The following SCN4A variants were observed in gnomAD, a reference collection of about 807,000 sequenced individuals.
SCN4A encodes sodium channel protein type 4 subunit alpha.
SCN4A carries 83 observed loss-of-function variants against 162.0 expected under a neutral mutation model. The ratio of observed to expected loss-of-function variants is 0.51; its 90% CI spans 0.43 to 0.61. SCN4A has a LOEUF of 0.61. Among genes scored for constraint, SCN4A ranks in the 20% least tolerant of loss-of-function variants. The probability of loss-of-function intolerance (pLI) is 0.00; values close to 1 mark genes in which losing one functional copy is unlikely to be tolerated. For synonymous variants in SCN4A, 944 were observed against 985.1 expected (o/e 0.96, Z 0.78); for missense variants, 2,196 against 2,462.5 (o/e 0.89, Z 2.29).
intron 13 of SCN4A, among the ~76,000 whole-genome samples, chr17:63,954,195 C>T (rs1408108775): frequency 1.3e-5 from 2 of 152,236 alleles, no homozygotes; most frequent in Admixed American, 6.5e-5. Flanking sequence ...GTCTTCACTA[C>T]ATTCTGTTGA....
Position 63,945,094 on chromosome 17 carries a change from G to T in SCN4A, c.3721-34C>A. On this transcript the variant is annotated intron_variant, in intron 19 of 23. Transcript: ENST00000435607. This position sits in a 1 kb window ranked among gnomAD's most constrained non-coding sequence, Gnocchi z 4.4. ...GTGTGGTTGGGGAGTGAGCCGGGGG[G>T]CTGCTCCCTGCTTTCATCATCCATG... is the stretch of plus-strand genomic sequence containing the variant. 1.9e-6 allele frequency: 3 copies of T among 1,598,138 alleles called. No homozygotes were observed. Among genetic ancestry groups the T allele is most frequent in the South Asian group, 2.2e-5 (2 of 90,308 alleles).
At position 63,968,203 on chromosome 17, in the gene SCN4A, G is replaced by GC. The variant is rs1909513448; in HGVS notation, c.855dup (p.Pro286AlafsTer13). 1 of 1,613,882 alleles carries GC rather than the reference G, an allele frequency of 6.2e-7. No individual in the cohort carries two copies. Among genetic ancestry groups the GC allele is most frequent in the African/African-American group, 1.3e-5 (1 of 74,902 alleles). ...CACGTGGTGTTGGTGTCGTTGAACGGCGGGGGCCAGCGCACACACTTCTGC... is the reference window on the plus strand; with the variant it reads ...CACGTGGTGTTGGTGTCGTTGAACGGCCGGGGGCCAGCGCACACACTTCTGC... On this transcript the variant is annotated frameshift_variant, in exon 6 of 24. Transcript: ENST00000435607. LOFTEE classifies it high-confidence loss of function.
chr17:63,961,578 C>T (rs974624671), intron 10 of SCN4A, 147 bp from the exon 11 acceptor site: 7 of 641,340 alleles, frequency 1.1e-5, no homozygotes, highest in South Asian at 7.1e-5. Context: ...CCAAGTTCCA[C>T]CGCCTCTTGC....
At chr17:63,959,181 T>C (rs1486333389) in intron 12 of SCN4A, 84 bp downstream of exon 12, 45 of 1,294,136 alleles carry the variant, frequency 3.5e-5, no homozygotes, top group Non-Finnish European at 4.6e-5. Flanking sequence ...TTCCTGGGGT[T>C]TCTCCTCCCA....
chr17:63,971,495 A>T (rs1235682829), intron 4 of SCN4A, among the ~76,000 whole-genome samples: 1 of 152,032 alleles, frequency 6.6e-6, no homozygotes, highest in South Asian at 2.1e-4. Flanking sequence ...GCAGGTGAGG[A>T]CCCATGGGTC....
intron 10 of SCN4A, 125 bp from the exon 11 acceptor site, chr17:63,961,556 G>C: frequency 1.4e-6 from 1 of 689,810 alleles, no homozygotes; most frequent in Non-Finnish European, 2.6e-6. Context: ...CAACCCTCTA[G>C]CAAGGCCTAT....
At position 63,972,654 on chromosome 17, in the gene SCN4A, T is replaced by C. The variant is rs941497920; in HGVS notation, c.188A>G (p.Asn63Ser). Reference protein sequence around the residue: ...KPRSDLEAGKNLPMIYGDPPP... With the variant: ...KPRSDLEAGKSLPMIYGDPPP... ...GGGGTCTCCGTAGATCATGGGTAGG[T>C]TCTTGCCAGCCTCCAAGTCACTTCG... The change falls in exon 1 of 24, where the codon AAC (asparagine) becomes AGC (serine). Residue 63 changes from asparagine (N) to serine (S), a missense_variant. Coordinates refer to ENST00000435607, the MANE Select transcript of SCN4A (RefSeq NM_000334.4). The surrounding 1 kb of genome is among the most constrained non-coding windows in gnomAD (Gnocchi z 4.3). The C allele has an allele frequency of 1.6e-5, 25 of 1,612,874 alleles. No homozygotes were observed. Among genetic ancestry groups the C allele is most frequent in the Non-Finnish European group, 2.0e-5 (23 of 1,179,428 alleles).
In SCN4A at chr17:63,943,212, C is replaced by CAGAGAGAGAGAGAG. The variant is rs111745569; in HGVS notation, c.4018-130_4018-117dup. 1.9e-4 allele frequency: 69 copies of CAGAGAGAGAGAGAG among 369,760 alleles called. No homozygotes were observed. The East Asian group carries it at 5.5e-3, about 29-fold the overall frequency. 22.9% of individuals were successfully genotyped at this position (369,760 alleles called of 1,614,324 possible). On this transcript the variant is annotated intron_variant, in intron 22 of 23. Coordinates refer to ENST00000435607, the MANE Select transcript of SCN4A (RefSeq NM_000334.4). ...AGCATGACAGAGATGACAGAGATGA[C>CAGAGAGAGAGAGAG]AGAGAGAGAGAGAGAGAGAGAGAGA...
Position 63,972,261 on chromosome 17 carries a change from G to A in SCN4A, c.393-36C>T. The A allele has an allele frequency of 1.2e-6, 2 of 1,601,860 alleles. No homozygotes were observed. The highest frequency in any genetic ancestry group is 1.1e-5 in the South Asian group (1 of 90,172). On this transcript the variant is annotated intron_variant, in intron 2 of 23. Coordinates refer to ENST00000435607, the MANE Select transcript of SCN4A (RefSeq NM_000334.4). The surrounding 1 kb of genome is among the most constrained non-coding windows in gnomAD (Gnocchi z 4.3). Reference sequence around the variant, plus strand: ...GTCAAGGAAAGTGAGGAAGCAGCTAGGATGGGAGGTGATAGAGGGTCTCCT... The same window carrying A: ...GTCAAGGAAAGTGAGGAAGCAGCTAAGATGGGAGGTGATAGAGGGTCTCCT...
In SCN4A at chr17:63,964,612, G is replaced by A. The variant is rs1181683822; in HGVS notation, c.1308C>T (p.Phe436=). 6.2e-7 allele frequency: 1 copy of A among 1,613,414 alleles called. No individual in the cohort carries two copies. Among genetic ancestry groups the A allele is most frequent in the Non-Finnish European group, 8.5e-7 (1 of 1,179,742 alleles). ...CGGCCAGGATCAGATTGATGAGGTAGAAAGAGCCCAGGAAGATGATGACCA... is the reference window on the plus strand; with the variant it reads ...CGGCCAGGATCAGATTGATGAGGTAAAAAGAGCCCAGGAAGATGATGACCA... The part of the protein sequence containing the change: ...FFVVIIFLGS[F]YLINLILAVV... The change falls in exon 9 of 24, where the codon TTC becomes TTT. Residue 436 remains phenylalanine (F), a synonymous_variant. Coordinates refer to ENST00000435607, the MANE Select transcript of SCN4A (RefSeq NM_000334.4).
Position 63,941,491 on chromosome 17 carries a change from G to C in SCN4A, c.4791C>G (p.Ile1597Met), listed in dbSNP as rs1567816199. The C allele has an allele frequency of 1.1e-5, 18 of 1,614,048 alleles. No individual in the cohort carries two copies. The highest frequency in any genetic ancestry group is 1.5e-5 in the Non-Finnish European group (18 of 1,180,042). ...CTGTGGCCACATTGAAGTTCTCCAG[G>C]ATGATGGCGATGTACATGTTGACCA... ...LIVVNMYIAI[I>M]LENFNVATEE... The change falls in exon 24 of 24, where the codon ATC becomes ATG. Residue 1597 changes from isoleucine (I) to methionine (M), a missense_variant. Coordinates refer to ENST00000435607, the MANE Select transcript of SCN4A (RefSeq NM_000334.4). The surrounding 1 kb of genome is among the most constrained non-coding windows in gnomAD (Gnocchi z 6.2).
chr17:63,964,675 G>A lies in SCN4A; in HGVS notation c.1245C>T (p.Thr415=). The A allele has an allele frequency of 6.2e-7, 1 of 1,603,970 alleles. No individual in the cohort carries two copies. Among genetic ancestry groups the A allele is most frequent in the Non-Finnish European group, 8.5e-7 (1 of 1,175,934 alleles). ...TGTAGGTCTTGCCAGCTGCTCGAAG[G>A]GTCTGGGAGTGGAGGGAGAGGGAGT... ...QDYWENLFQL[T]LRAAGKTYMI... The change falls in exon 9 of 24, where the codon ACC becomes ACT. Residue 415 remains threonine, a splice_region_variant and synonymous_variant. Coordinates refer to ENST00000435607, the MANE Select transcript of SCN4A (RefSeq NM_000334.4).
At chr17:63,971,118 G>C in intron 5 of SCN4A, 44 bp downstream of exon 5, 5 of 1,271,738 alleles carry the variant, frequency 3.9e-6, no homozygotes, top group Non-Finnish European at 5.6e-6. Context: ...CATGGTACGG[G>C]GGTCTCTCAG....
chr17:63,948,825 G>T (rs1908814042), intron 15 of SCN4A, 60 bp from the exon 16 acceptor site: 7 of 1,491,934 alleles, frequency 4.7e-6, no homozygotes, highest in Non-Finnish European at 6.3e-6. Context: ...GTTGCCTTGG[G>T]GTGCACAGTC....
intron 14 of SCN4A, chr17:63,949,794 G>A (rs558146597): frequency 9.1e-5 from 30 of 328,172 alleles, no homozygotes; most frequent in South Asian, 6.2e-4. Flanking sequence ...GGACACATGC[G>A]AAGGCCTCAG....
intron 11 of SCN4A, 84 bp downstream of exon 11, chr17:63,961,109 A>G: frequency 1.3e-6 from 1 of 789,048 alleles, no homozygotes; most frequent in East Asian, 3.4e-5. Flanking sequence ...CGTGCCCTAT[A>G]TTTACATACA....
chr17:63,944,685 C>G lies in SCN4A; in HGVS notation c.3900G>C (p.Gln1300His). The G allele has an allele frequency of 6.2e-7, 1 of 1,606,390 alleles. No homozygotes were observed. The highest frequency in any genetic ancestry group is 8.5e-7 in the Non-Finnish European group (1 of 1,176,448). ...FIGVIIDNFN[Q>H]QKKKLGGKDI... Reference sequence around the variant, plus strand: ...GGCTGATACTCATCTTCTTCTTCTGCTGGTTGAAGTTGTCAATGATGACGC... The same window carrying G: ...GGCTGATACTCATCTTCTTCTTCTGGTGGTTGAAGTTGTCAATGATGACGC... Residue 1300 changes from glutamine (Q) to histidine (H), a missense_variant, in exon 21 of 24, where the codon CAG (glutamine) becomes CAC (histidine). Transcript: ENST00000435607. The surrounding 1 kb of genome is among the most constrained non-coding windows in gnomAD (Gnocchi z 4.3).
Position 63,950,278 on chromosome 17 carries a change from G to A in SCN4A, c.2854-750C>T, listed in dbSNP as rs1009401705. On this transcript the variant is annotated intron_variant, in intron 14 of 23. Coordinates refer to ENST00000435607, the MANE Select transcript of SCN4A (RefSeq NM_000334.4). This position sits in a 1 kb window ranked among gnomAD's most constrained non-coding sequence, Gnocchi z 4.6. ...TGGTGACCAGAAAACCACCATGGCC[G>A]GGGTGGGGGTCCTTGTTTTCATTAG... Among the ~76,000 whole-genome samples the A allele has an allele frequency of 2.0e-5, 3 of 152,172 alleles. No homozygotes were observed. Among genetic ancestry groups the A allele is most frequent in the Admixed American group, 6.5e-5 (1 of 15,288 alleles).
Position 63,944,267 on chromosome 17 carries a change from G to A in SCN4A, c.3912+406C>T, listed in dbSNP as rs1908640040. 6.6e-6 allele frequency among the ~76,000 whole-genome samples: 1 copy of A among 152,118 alleles called. No individual in the cohort carries two copies. Among genetic ancestry groups the A allele is most frequent in the Admixed American group, 6.5e-5 (1 of 15,276 alleles). ...CGATTCTCCTGCCTCAGCCTCCTGA[G>A]TAGCTGGGATTACAGATGCCTGCCA... On this transcript the variant is annotated intron_variant, in intron 21 of 23. Coordinates refer to ENST00000435607, the MANE Select transcript of SCN4A (RefSeq NM_000334.4). The surrounding 1 kb of genome is among the most constrained non-coding windows in gnomAD (Gnocchi z 4.3).
Sources: gnomAD v4.1 joint callset for allele counts (sites outside exome capture counted in the v4.1 genomes callset) on GRCh38, gnomAD v4.1.1 for gene constraint, Gnocchi (gnomAD v3.1) non-coding constraint, MANE v1.5 for transcripts, NCBI Gene and HGNC (gene_info 2026-07-23, HGNC 2026-07-21) for gene names.